The following LRRC4C variants were observed in gnomAD, a reference collection of about 807,000 sequenced individuals.
LRRC4C encodes leucine-rich repeat-containing protein 4C.
In LRRC4C, 5 loss-of-function variants were observed where a neutral mutation model predicts 33.6. That is an observed-to-expected ratio of 0.15 (90% CI 0.08 to 0.31). LRRC4C has a LOEUF of 0.31. Ranked by LOEUF, LRRC4C falls within the 10% of genes least tolerant of loss-of-function variation. The pLI is 1.00. For synonymous variants in LRRC4C, 329 were observed against 302.0 expected, an observed-to-expected ratio of 1.09 and a Z score of -0.93; for missense variants, 560 against 796.7, an observed-to-expected ratio of 0.70 and a Z score of 3.58.
At chr11:41,311,321 T>C (rs1950637333) in intron 1 of LRRC4C, among the ~76,000 whole-genome samples, 1 of 152,214 alleles carries the variant, frequency 6.6e-6, no homozygotes, top group South Asian at 2.1e-4. Flanking sequence ...TTATTTTCTA[T>C]ATGTCACACT....
chr11:40,960,469 T>C (rs1850898987), intron 1 of LRRC4C, among the ~76,000 whole-genome samples: 1 of 151,894 alleles, frequency 6.6e-6, no homozygotes, highest in African/African-American at 2.4e-5. Context: ...ACTGTTTAAC[T>C]CTATTCAAAC....
At chr11:41,170,660 A>C (rs527781974) in intron 1 of LRRC4C, among the ~76,000 whole-genome samples, 1 of 152,322 alleles carries the variant, frequency 6.6e-6, no homozygotes, top group African/African-American at 2.4e-5. Flanking sequence ...TCCTAGAAGA[A>C]AACCTAGGCA....
chr11:40,341,923 G>C (rs1353206434), intron 3 of LRRC4C, among the ~76,000 whole-genome samples: 3 of 151,288 alleles, frequency 2.0e-5, no homozygotes, highest in Admixed American at 2.0e-4. Flanking sequence ...ATATTTTTCT[G>C]TGGTTTTCTT....
chr11:40,791,979 T>C lies in LRRC4C; in HGVS notation c.-407+141656A>G, dbSNP rs564728103. 4.6e-5 allele frequency among the ~76,000 whole-genome samples: 7 copies of C among 152,174 alleles called. No homozygotes were observed. In the South Asian group the frequency reaches 1.4e-3, roughly 32 times the overall value. On this transcript the variant is annotated intron_variant, in intron 2 of 6. Transcript: ENST00000528697. ...GTGGCTACGTAGTCTTTGAACACAT[T>C]TGACATTGAACTAAAAAAAAAAAGT...
chr11:40,774,488 AC>A (rs1949897840), intron 2 of LRRC4C, among the ~76,000 whole-genome samples: 1 of 152,184 alleles, frequency 6.6e-6, no homozygotes, highest in East Asian at 1.9e-4. Context: ...AGGATAATAT[AC>A]AGATGAATAT....
At chr11:40,497,266 T>C (rs1408912012) in intron 3 of LRRC4C, among the ~76,000 whole-genome samples, 1 of 151,944 alleles carries the variant, frequency 6.6e-6, no homozygotes, top group African/African-American at 2.4e-5. Context: ...TAGCCAGGCA[T>C]GGTGGTGGAT....
In LRRC4C at chr11:41,459,561, AG is replaced by A; in HGVS notation, c.-627del. 1 of 151,876 alleles carries A rather than the reference AG, an allele frequency of 6.6e-6. No homozygotes were observed. The highest frequency in any genetic ancestry group is 1.5e-5 in the Non-Finnish European group (1 of 67,994). 9.4% of individuals were successfully genotyped at this position (151,876 alleles called of 1,614,324 possible). ...TCGGAGAAAAATAATCAGTTTTCAA[AG>A]GTTCCATGTATCTGATCTTCCAGCA... is the stretch of plus-strand genomic sequence containing the variant. On this transcript the variant is annotated 5_prime_UTR_variant, in exon 1 of 7. The change abolishes the stop of an existing upstream ORF in the 5' untranslated region. Transcript: ENST00000528697.
intron 2 of LRRC4C, among the ~76,000 whole-genome samples, chr11:40,888,148 C>T (rs1436583816): frequency 2.0e-5 from 3 of 151,718 alleles, no homozygotes; most frequent in Non-Finnish European, 4.4e-5. Flanking sequence ...GTGAAAATTC[C>T]AGGGTTCTGA....
rs188816354 is a variant in LRRC4C at position 40,348,419 on chromosome 11, A to G, written c.-269-28698T>C. ...GTATATTTACTTTTCCAGAGGTCCCACATTTTACAAGAGGCACAGCTTAGC... is the reference window on the plus strand; with the variant it reads ...GTATATTTACTTTTCCAGAGGTCCCGCATTTTACAAGAGGCACAGCTTAGC... On this transcript the variant is annotated intron_variant, in intron 3 of 6. Coordinates refer to ENST00000528697, the MANE Select transcript of LRRC4C (RefSeq NM_001258419.2). 4.6e-5 allele frequency among the ~76,000 whole-genome samples: 7 copies of G among 152,342 alleles called. No homozygotes were observed. In the East Asian group the frequency reaches 9.6e-4, roughly 21 times the overall value.
chr11:40,876,746 T>C (rs1230312981), intron 2 of LRRC4C, among the ~76,000 whole-genome samples: 1 of 151,594 alleles, frequency 6.6e-6, no homozygotes, highest in Non-Finnish European at 1.5e-5. Flanking sequence ...CTACTAAAAA[T>C]ACAAAAATTA....
chr11:40,946,048 T>G (rs1051725343), intron 1 of LRRC4C, among the ~76,000 whole-genome samples: 1 of 152,204 alleles, frequency 6.6e-6, no homozygotes, highest in South Asian at 2.1e-4. Context: ...ATAGTTAGCA[T>G]AGTACTCAAG....
At chr11:41,241,196 A>T (rs1264053399) in intron 1 of LRRC4C, among the ~76,000 whole-genome samples, 1 of 152,162 alleles carries the variant, frequency 6.6e-6, no homozygotes, top group African/African-American at 2.4e-5. Flanking sequence ...TGAAAGCGTT[A>T]TTCAAATGCT....
intron 1 of LRRC4C, among the ~76,000 whole-genome samples, chr11:41,182,495 A>G (rs1945496242): frequency 1.3e-5 from 2 of 152,202 alleles, no homozygotes; most frequent in African/African-American, 4.8e-5. Context: ...CCATAGGTAT[A>G]CAATCTTGTA....
chr11:41,281,042 T>TTCTCTCTC (rs71063910), intron 1 of LRRC4C, among the ~76,000 whole-genome samples: 10,734 of 74,870 alleles, frequency 0.14, 1,451 homozygotes, highest in Non-Finnish European at 0.16. Flanking sequence ...AATACATATT[T>TTCTCTCTC]TCTCTCTCTC....
At chr11:40,777,026 G>T (rs1190845833) in intron 2 of LRRC4C, among the ~76,000 whole-genome samples, 1 of 152,038 alleles carries the variant, frequency 6.6e-6, no homozygotes, top group African/African-American at 2.4e-5. Flanking sequence ...CCATGTAATT[G>T]TATGGTTTTG....
intron 1 of LRRC4C, among the ~76,000 whole-genome samples, chr11:41,439,807 A>G (rs1318073754): frequency 6.6e-6 from 1 of 152,144 alleles, no homozygotes; most frequent in Non-Finnish European, 1.5e-5. Context: ...TCTGAAAGGA[A>G]TAGGGTTTTG....
At chr11:40,433,782 A>T (rs1455656277) in intron 3 of LRRC4C, among the ~76,000 whole-genome samples, 1 of 152,178 alleles carries the variant, frequency 6.6e-6, no homozygotes, top group East Asian at 1.9e-4. Context: ...GTTTGGGAAG[A>T]TGAGGTTTAT....
rs74694347 is a variant in LRRC4C at position 40,994,739 on chromosome 11, A to G, written c.-495-61016T>C. Among the ~76,000 whole-genome samples the G allele has an allele frequency of 1.5e-3, 228 of 152,208 alleles. 2 individuals are homozygous for G. Among genetic ancestry groups the G allele is most frequent in the African/African-American group, 5.4e-3 (224 of 41,548 alleles). On this transcript the variant is annotated intron_variant, in intron 1 of 6. Transcript: ENST00000528697. Reference sequence around the variant, plus strand: ...CCAAAATATTAAGCCTTTTATCCCAACTTGGATGGGCTCTTTCCTTTACTC... The same window carrying G: ...CCAAAATATTAAGCCTTTTATCCCAGCTTGGATGGGCTCTTTCCTTTACTC...
intron 3 of LRRC4C, among the ~76,000 whole-genome samples, chr11:40,493,050 C>G (rs1173612408): frequency 6.6e-6 from 1 of 151,102 alleles, no homozygotes; most frequent in Non-Finnish European, 1.5e-5. Context: ...ATTTCTATAA[C>G]TATATGGTTA....
Sources: gnomAD v4.1 joint callset for allele counts (sites outside exome capture counted in the v4.1 genomes callset) on GRCh38, gnomAD v4.1.1 for gene constraint, MANE v1.5 for transcripts, NCBI Gene and HGNC (gene_info 2026-07-23, HGNC 2026-07-21) for gene names.